The following ARID5B variants were observed in gnomAD, a reference collection of about 807,000 sequenced individuals.
The protein encoded by ARID5B is AT-rich interactive domain-containing protein 5B.
Under a neutral mutation model 97.2 loss-of-function variants are expected in ARID5B, and 13 were observed. The ratio of observed to expected loss-of-function variants is 0.13; its 90% CI spans 0.09 to 0.21. The LOEUF (loss-of-function observed/expected upper bound fraction) is 0.21, where lower values mean the gene tolerates loss of function less well. Among genes scored for constraint, ARID5B ranks in the 10% least tolerant of loss-of-function variants. The pLI is 1.00. For synonymous variants in ARID5B, 556 were observed against 570.3 expected, an observed-to-expected ratio of 0.97 and a Z score of 0.36; for missense variants, 1,210 against 1,465.3, an observed-to-expected ratio of 0.83 and a Z score of 2.84.
chr10:62,087,298 C>CAAAAAAAAAAA (rs71299289), intron 9 of ARID5B, among the ~76,000 whole-genome samples: 1,287 of 40,914 alleles, frequency 0.031, 137 homozygotes, highest in Non-Finnish European at 0.039. Context: ...GACTCTATCT[C>CAAAAAAAAAAA]AAAAAAAAAA....
At chr10:61,973,035 T>C (rs952086873) in intron 3 of ARID5B, among the ~76,000 whole-genome samples, 9 of 152,204 alleles carry the variant, frequency 5.9e-5, no homozygotes, top group Non-Finnish European at 1.5e-5. Flanking sequence ...TCTCCAGCTC[T>C]CAGACTATGA....
chr10:61,956,252 C>CAA (rs1838390283), intron 3 of ARID5B, among the ~76,000 whole-genome samples: 2 of 152,168 alleles, frequency 1.3e-5, no homozygotes, highest in African/African-American at 4.8e-5. Context: ...CATAGGAGCA[C>CAA]AAACCCTATT....
chr10:62,083,948 A>T (rs1840249249), intron 8 of ARID5B, among the ~76,000 whole-genome samples: 1 of 152,184 alleles, frequency 6.6e-6, no homozygotes, highest in African/African-American at 2.4e-5. Flanking sequence ...GCTTTTTATT[A>T]TATAAACATT....
chr10:62,086,038 G>A (rs1027090102), intron 9 of ARID5B, 138 bp downstream of exon 9: 14 of 897,778 alleles, frequency 1.6e-5, no homozygotes, highest in African/African-American at 6.7e-5. Context: ...AAGCTTCACA[G>A]TTCCCCACAT....
chr10:62,056,140 A>G (rs1185075427), intron 5 of ARID5B, among the ~76,000 whole-genome samples: 6 of 152,220 alleles, frequency 3.9e-5, no homozygotes. Context: ...GTCCTCTTGT[A>G]GAACATGGCA....
At chr10:61,995,578 A>G (rs189777990) in intron 3 of ARID5B, among the ~76,000 whole-genome samples, 3 of 152,126 alleles carry the variant, frequency 2.0e-5, no homozygotes, top group Admixed American at 1.3e-4. Flanking sequence ...TCTCTCCCCA[A>G]ACTCAAAATT....
chr10:62,046,924 T>C (rs1839715787), intron 4 of ARID5B: 1 of 152,274 alleles, frequency 6.6e-6, no homozygotes, highest in Admixed American at 6.5e-5. Context: ...CTTGAGTGTT[T>C]TCATTTGCGG....
chr10:62,026,448 G>A (rs1839421926), intron 4 of ARID5B, among the ~76,000 whole-genome samples: 2 of 152,170 alleles, frequency 1.3e-5, no homozygotes, highest in Non-Finnish European at 2.9e-5. Flanking sequence ...TAACCTTTGA[G>A]GCACTCACAT....
intron 8 of ARID5B, among the ~76,000 whole-genome samples, chr10:62,080,144 G>A (rs1249911769): frequency 4.6e-5 from 7 of 152,282 alleles, no homozygotes; most frequent in African/African-American, 1.7e-4. Context: ...TTACTCCGTG[G>A]TTTGGTGCCC....
At chr10:61,960,715 G>A (rs1838458776) in intron 3 of ARID5B, among the ~76,000 whole-genome samples, 1 of 152,106 alleles carries the variant, frequency 6.6e-6, no homozygotes, top group African/African-American at 2.4e-5. Flanking sequence ...TGAAGGGAAG[G>A]AAATGAGGGC....
At chr10:62,034,404 A>C (rs1209936765) in intron 4 of ARID5B, among the ~76,000 whole-genome samples, 1 of 152,206 alleles carries the variant, frequency 6.6e-6, no homozygotes, top group African/African-American at 2.4e-5. Flanking sequence ...TTATGGTGCC[A>C]GGCCTGACAT....
chr10:61,968,087 T>C (rs982976402), intron 3 of ARID5B, among the ~76,000 whole-genome samples: 5 of 148,408 alleles, frequency 3.4e-5, no homozygotes, highest in African/African-American at 1.3e-4. Context: ...TCATGAAAAT[T>C]ACCTAAGTAA....
Position 62,092,797 on chromosome 10 carries a change from C to T in ARID5B, c.3334C>T (p.Leu1112Phe). The T allele has an allele frequency of 1.2e-6, 2 of 1,614,222 alleles. No individual in the cohort carries two copies. The highest frequency in any genetic ancestry group is 1.1e-5 in the South Asian group (1 of 91,092). Reference protein sequence around the residue: ...SLQYLKNQTVLSPLMQPLAFH... With the variant: ...SLQYLKNQTVFSPLMQPLAFH... ...GCAGTACTTGAAAAACCAGACTGTG[C>T]TTTCTCCACTCATGCAGCCCCTGGC... The change falls in exon 10 of 10, where the codon CTT (leucine) becomes TTT (phenylalanine). Residue 1112 changes from leucine (L) to phenylalanine (F), a missense_variant. This residue lies in a region of ARID5B where 800 missense variants were observed against 839.1 expected (regional missense o/e 0.95). Transcript: ENST00000279873.
At chr10:61,960,475 T>C (rs1312225808) in intron 3 of ARID5B, among the ~76,000 whole-genome samples, 1 of 152,194 alleles carries the variant, frequency 6.6e-6, no homozygotes. Context: ...ATGTGTTTAT[T>C]ATAGGAATCA....
intron 3 of ARID5B, among the ~76,000 whole-genome samples, chr10:61,942,659 G>T (rs1329011955): frequency 6.6e-6 from 1 of 152,178 alleles, no homozygotes; most frequent in African/African-American, 2.4e-5. Flanking sequence ...ACGTGTGGTG[G>T]CAGGGGCCTG....
At chr10:62,011,479 GT>G (rs145366564) in intron 4 of ARID5B, among the ~76,000 whole-genome samples, 2,029 of 152,276 alleles carry the variant, frequency 0.013, 45 homozygotes, top group African/African-American at 0.046. Flanking sequence ...CCCAGGGACT[GT>G]TATGGAGGCC....
chr10:61,967,317 T>G (rs1838559525), intron 3 of ARID5B, among the ~76,000 whole-genome samples: 1 of 152,240 alleles, frequency 6.6e-6, no homozygotes, highest in Non-Finnish European at 1.5e-5. Context: ...ACCTAGTGTC[T>G]TACAGGAAGA....
At chr10:61,950,442 G>A (rs370360196) in intron 3 of ARID5B, among the ~76,000 whole-genome samples, 12 of 152,374 alleles carry the variant, frequency 7.9e-5, no homozygotes, top group African/African-American at 2.9e-4. Flanking sequence ...GCCGAGGTGG[G>A]AGGATTGCTT....
chr10:62,030,074 T>G (rs1356707372), intron 4 of ARID5B, among the ~76,000 whole-genome samples: 1 of 152,156 alleles, frequency 6.6e-6, no homozygotes, highest in East Asian at 1.9e-4. Flanking sequence ...CCTGAGGATA[T>G]GCAAGTATGA....
Sources: allele counts gnomAD v4.1 joint callset (sites outside exome capture counted in the v4.1 genomes callset), GRCh38; gene constraint gnomAD v4.1.1; regional missense constraint gnomAD v4.1.1; transcripts MANE v1.5; gene names NCBI Gene and HGNC (gene_info 2026-07-23, HGNC 2026-07-21).